Variants in NSRP1 observed in about 807,000 individuals in gnomAD.
NSRP1 encodes the protein nuclear speckle splicing regulatory protein 1.
NSRP1 carries 24 observed loss-of-function variants against 54.7 expected under a neutral mutation model. The ratio of observed to expected loss-of-function variants is 0.44; its 90% CI spans 0.32 to 0.62. NSRP1 has a LOEUF of 0.62. NSRP1 is among the 20% of genes least tolerant of loss of function. The probability of loss-of-function intolerance (pLI) is 0.06; values close to 1 mark genes in which losing one functional copy is unlikely to be tolerated. For missense variants in NSRP1, 596 were observed against 651.2 expected, an observed-to-expected ratio of 0.92 and a Z score of 0.92; for synonymous variants, 210 against 213.8, an observed-to-expected ratio of 0.98 and a Z score of 0.15.
At chr17:30,179,027 A>G (rs1275025040) in intron 4 of NSRP1, 63 bp from the exon 5 acceptor site, 1 of 1,001,598 alleles carries the variant, frequency 1.0e-6, no homozygotes, top group Admixed American at 3.3e-5. Flanking sequence ...TTCATTATAA[A>G]AATTATAATA....
intron 3 of NSRP1, among the ~76,000 whole-genome samples, chr17:30,175,022 A>T (rs373554778): frequency 6.6e-6 from 1 of 152,336 alleles, no homozygotes; most frequent in African/African-American, 2.4e-5. Context: ...ACAATGAGCT[A>T]ATATGATACT....
In NSRP1 at chr17:30,163,575, A is replaced by G. The variant is rs1427452338; in HGVS notation, c.115-8967A>G. Among the ~76,000 whole-genome samples, 6 of 152,038 alleles carry G rather than the reference A, an allele frequency of 3.9e-5. No individual in the cohort carries two copies. In the East Asian group the frequency reaches 7.7e-4, roughly 20 times the overall value. On this transcript the variant is annotated intron_variant, in intron 2 of 6. Transcript: ENST00000247026. Reference sequence around the variant, plus strand: ...GAAGCAAATATTAGATTGATTAAATAATTTTTATTCTCTACACAGAACAAT... The same window carrying G: ...GAAGCAAATATTAGATTGATTAAATGATTTTTATTCTCTACACAGAACAAT...
In NSRP1 at chr17:30,176,086, T is replaced by G. The variant is rs531816223; in HGVS notation, c.172-1985T>G. Among the ~76,000 whole-genome samples the G allele has an allele frequency of 1.9e-4, 27 of 141,018 alleles. No individual in the cohort carries two copies. The South Asian group carries it at 2.6e-3, about 13-fold the overall frequency. The allele number at this position is 141,018 out of a possible 152,430, so 92.5% of individuals were successfully genotyped here. On this transcript the variant is annotated intron_variant, in intron 3 of 6. Coordinates refer to ENST00000247026, the MANE Select transcript of NSRP1 (RefSeq NM_032141.4). ...TGTTAATCCATATATATTCATACTGTTTTTTTTTGTTGTTGTTGTTGTTTT... is the reference window on the plus strand; with the variant it reads ...TGTTAATCCATATATATTCATACTGGTTTTTTTTGTTGTTGTTGTTGTTTT...
chr17:30,121,244 T>A (rs1175112648), intron 2 of NSRP1, among the ~76,000 whole-genome samples: 1 of 152,188 alleles, frequency 6.6e-6, no homozygotes, highest in African/African-American at 2.4e-5. Context: ...AGATAACTCT[T>A]GAATTGTAAA....
intron 2 of NSRP1, among the ~76,000 whole-genome samples, chr17:30,158,550 C>A (rs1217706138): frequency 6.6e-6 from 1 of 152,088 alleles, no homozygotes; most frequent in African/African-American, 2.4e-5. Context: ...ACCAGTGTCC[C>A]TGGAGCATTT....
chr17:30,128,011 T>G, intron 2 of NSRP1: 1 of 393,792 alleles, frequency 2.5e-6, no homozygotes. Flanking sequence ...ATTTTTTAAT[T>G]TATTTTTTGT....
chr17:30,137,617 G>T (rs571737318), intron 2 of NSRP1, among the ~76,000 whole-genome samples: 7 of 152,320 alleles, frequency 4.6e-5, no homozygotes, highest in East Asian at 3.9e-4. Flanking sequence ...GGTGATGTTT[G>T]TTAACACAGG....
chr17:30,131,980 G>A (rs1299889157), intron 2 of NSRP1, among the ~76,000 whole-genome samples: 1 of 152,194 alleles, frequency 6.6e-6, no homozygotes, highest in East Asian at 1.9e-4. Flanking sequence ...CAGGCGCGGT[G>A]GCTCACGCTT....
chr17:30,148,420 A>G (rs1172515375), intron 2 of NSRP1, among the ~76,000 whole-genome samples: 1 of 152,204 alleles, frequency 6.6e-6, no homozygotes, highest in East Asian at 1.9e-4. Context: ...GAGGTGACAA[A>G]TGACATATTG....
At position 30,185,096 on chromosome 17, in the gene NSRP1, G is replaced by A. The variant is rs1238423620; in HGVS notation, c.1099G>A (p.Ala367Thr). 2 of 1,613,612 alleles carry A rather than the reference G, an allele frequency of 1.2e-6. No individual in the cohort carries two copies. Among genetic ancestry groups the A allele is most frequent in the South Asian group, 1.1e-5 (1 of 91,000 alleles). Residue 367 changes from alanine to threonine, a missense_variant, in exon 7 of 7, where the codon GCG (alanine) becomes ACG (threonine). By Grantham distance (58) the Ala-to-Thr change is moderately conservative. Coordinates refer to ENST00000247026, the MANE Select transcript of NSRP1 (RefSeq NM_032141.4). Reference protein sequence around the residue: ...KRHEQEDKPRARDQRERSDRV... With the variant: ...KRHEQEDKPRTRDQRERSDRV... The stretch of plus-strand genomic sequence containing the variant: ...GCATGAACAGGAAGATAAACCAAGG[G>A]CGAGGGACCAAAGAGAAAGAAGTGA...
intron 2 of NSRP1, among the ~76,000 whole-genome samples, chr17:30,127,708 C>G (rs2071663036): frequency 6.6e-6 from 1 of 152,166 alleles, no homozygotes; most frequent in African/African-American, 2.4e-5. Context: ...ACTACTGTAA[C>G]TGGCCTAGTT....
chr17:30,152,984 C>T (rs1330254136), intron 2 of NSRP1, among the ~76,000 whole-genome samples: 1 of 137,064 alleles, frequency 7.3e-6, no homozygotes, highest in South Asian at 2.5e-4. Flanking sequence ...TCTCAGCTCA[C>T]TGCACTGCAA....
At chr17:30,176,922 T>A (rs1355223345) in intron 3 of NSRP1, among the ~76,000 whole-genome samples, 1 of 152,224 alleles carries the variant, frequency 6.6e-6, no homozygotes, top group Non-Finnish European at 1.5e-5. Context: ...TAGATTCTTT[T>A]GAATAATTAT....
At chr17:30,155,860 G>C (rs2071956936) in intron 2 of NSRP1, among the ~76,000 whole-genome samples, 1 of 151,084 alleles carries the variant, frequency 6.6e-6, no homozygotes, top group Non-Finnish European at 1.5e-5. Flanking sequence ...TATTTTTTGA[G>C]ATGGAGTCTC....
chr17:30,164,057 A>T (rs1232011732), intron 2 of NSRP1, among the ~76,000 whole-genome samples: 1 of 151,916 alleles, frequency 6.6e-6, no homozygotes, highest in Non-Finnish European at 1.5e-5. Context: ...GTTTTATGTT[A>T]TTTGTGATTG....
intron 2 of NSRP1, 150 bp from the exon 3 acceptor site, chr17:30,172,392 C>A: frequency 2.0e-6 from 1 of 496,934 alleles, no homozygotes; most frequent in Admixed American, 3.8e-5. Flanking sequence ...GATATCAGAT[C>A]TTCAGATTTG....
chr17:30,171,952 A>T (rs1904947255), intron 2 of NSRP1, among the ~76,000 whole-genome samples: 1 of 133,724 alleles, frequency 7.5e-6, no homozygotes, highest in African/African-American at 2.8e-5. Flanking sequence ...ACACACACAC[A>T]CACACACACA....
chr17:30,151,774 CTTTTTTTTTTTTT>C (rs780507533), intron 2 of NSRP1, among the ~76,000 whole-genome samples: 97 of 48,934 alleles, frequency 2.0e-3, no homozygotes, highest in African/African-American at 7.7e-3. Context: ...TTGTCACTTT[CTTTTTTTTTTTTT>C]TTTTTTTTTT....
intron 2 of NSRP1, among the ~76,000 whole-genome samples, chr17:30,171,962 A>T (rs1293628260): frequency 2.9e-4 from 39 of 135,164 alleles, no homozygotes; most frequent in African/African-American, 8.6e-4. Flanking sequence ...ACACACACAC[A>T]CACACACACA....
Sources: gnomAD v4.1 joint callset for allele counts (sites outside exome capture counted in the v4.1 genomes callset) on GRCh38, gnomAD v4.1.1 for gene constraint, MANE v1.5 for transcripts, NCBI Gene and HGNC (gene_info 2026-07-23, HGNC 2026-07-21) for gene names.